LHFPL6: variants seen among roughly 807,000 people sequenced by gnomAD.
LHFPL6 encodes LHFPL tetraspan subfamily member 6, also known as LHFPL tetraspan subfamily member 6 protein.
In LHFPL6, 9 loss-of-function variants were observed where a neutral mutation model predicts 20.6. The observed-to-expected ratio is 0.44, with a 90% CI of 0.26 to 0.76. LHFPL6 has a LOEUF of 0.76. Among genes scored for constraint, LHFPL6 ranks in the 30% least tolerant of loss-of-function variants. LHFPL6 has a pLI of 0.20. For synonymous variants in LHFPL6, 105 were observed against 98.7 expected, an observed-to-expected ratio of 1.06 and a Z score of -0.38; for missense variants, 218 against 253.5, an observed-to-expected ratio of 0.86 and a Z score of 0.95.
At chr13:39,351,426 C>T (rs774999467) in intron 3 of LHFPL6, among the ~76,000 whole-genome samples, 3 of 151,258 alleles carry the variant, frequency 2.0e-5, no homozygotes, top group Non-Finnish European at 4.4e-5. Flanking sequence ...AAACTGATTC[C>T]AGAGTTTTTT....
chr13:39,598,785 C>T (rs940100982), intron 2 of LHFPL6, among the ~76,000 whole-genome samples: 2 of 152,146 alleles, frequency 1.3e-5, no homozygotes, highest in African/African-American at 4.8e-5. Context: ...TCTCGATCTC[C>T]TGACCTCGTG....
chr13:39,403,846 C>A (rs552541270), intron 2 of LHFPL6, among the ~76,000 whole-genome samples: 2 of 152,288 alleles, frequency 1.3e-5, no homozygotes, highest in Non-Finnish European at 2.9e-5. Context: ...TATCATGTAT[C>A]CCTTAGGCTT....
chr13:39,345,622 AAACCTCAAT>A, intron 3 of LHFPL6, among the ~76,000 whole-genome samples: 1 of 151,864 alleles, frequency 6.6e-6, no homozygotes, highest in Non-Finnish European at 1.5e-5. Context: ...CACTGAAGTG[AAACCTCAAT>A]GACAACCAGC....
intron 2 of LHFPL6, among the ~76,000 whole-genome samples, chr13:39,409,453 CAAAAACAAAAAAAACAA>C (rs1181012537): frequency 1.3e-5 from 2 of 151,410 alleles, no homozygotes; most frequent in Non-Finnish European, 2.9e-5. Flanking sequence ...GACTCCATCT[CAAAAACAAAAAAAACAA>C]AAAAACAAAA....
At chr13:39,488,450 T>C (rs952507987) in intron 2 of LHFPL6, among the ~76,000 whole-genome samples, 3 of 152,126 alleles carry the variant, frequency 2.0e-5, no homozygotes, top group Non-Finnish European at 2.9e-5. Flanking sequence ...ACTCTCCCTT[T>C]TACCCCAGCA....
chr13:39,453,561 A>C (rs1199644709), intron 2 of LHFPL6, among the ~76,000 whole-genome samples: 1 of 152,238 alleles, frequency 6.6e-6, no homozygotes, highest in African/African-American at 2.4e-5. Context: ...TAAAATATTC[A>C]ACATTGGCAA....
At chr13:39,390,504 TA>T (rs1566100594) in intron 2 of LHFPL6, among the ~76,000 whole-genome samples, 1 of 150,048 alleles carries the variant, frequency 6.7e-6, no homozygotes, top group Non-Finnish European at 1.5e-5. Context: ...TCTCTAAAAC[TA>T]AAAAAGAAAA....
intron 2 of LHFPL6, among the ~76,000 whole-genome samples, chr13:39,564,762 GGGTTAAGAAC>G: frequency 6.6e-6 from 1 of 152,164 alleles, no homozygotes; most frequent in Non-Finnish European, 1.5e-5. Flanking sequence ...TTATGTAAAA[GGGTTAAGAAC>G]ACTACTTCCA....
rs60324329 is a variant in LHFPL6, at chr13:39,563,091, AACACACACACACACACACACAC to A, written c.385+37719_385+37740del. Among the ~76,000 whole-genome samples, 88 of 135,868 alleles carry A rather than the reference AACACACACACACACACACACAC, an allele frequency of 6.5e-4. 1 individual carries two copies. The highest frequency in any genetic ancestry group is 1.9e-3 in the Admixed American group (25 of 13,300). 89.1% of individuals were successfully genotyped at this position (135,868 alleles called of 152,430 possible). A position where few individuals can be genotyped will look rare whatever the true frequency, so the allele number is the denominator to read the frequency against. On this transcript the variant is annotated intron_variant, in intron 2 of 3. Coordinates refer to ENST00000379589, the MANE Select transcript of LHFPL6 (RefSeq NM_005780.3). ...ATAAAGGTCATGGGGCAATACTAGA[AACACACACACACACACACACAC>A]ACACACACACACACACACACACACA...
chr13:39,577,677 G>A (rs1030076033), intron 2 of LHFPL6, among the ~76,000 whole-genome samples: 3 of 151,866 alleles, frequency 2.0e-5, no homozygotes, highest in East Asian at 1.9e-4. Flanking sequence ...TGTCGCCCAC[G>A]CTAGAATGTA....
At chr13:39,376,076 G>A (rs1433399735) in intron 3 of LHFPL6, among the ~76,000 whole-genome samples, 1 of 152,132 alleles carries the variant, frequency 6.6e-6, no homozygotes, top group Non-Finnish European at 1.5e-5. Context: ...ATTCCACAAT[G>A]CTGGGGACAT....
At chr13:39,555,351 G>A (rs1414237417) in intron 2 of LHFPL6, among the ~76,000 whole-genome samples, 1 of 142,584 alleles carries the variant, frequency 7.0e-6, no homozygotes, top group Non-Finnish European at 1.5e-5. Context: ...GCATTCTGCT[G>A]TGAAATTAAG....
intron 2 of LHFPL6, among the ~76,000 whole-genome samples, chr13:39,514,681 C>T (rs1357514630): frequency 2.0e-5 from 3 of 152,188 alleles, no homozygotes; most frequent in Non-Finnish European, 2.9e-5. Flanking sequence ...ACATCCCCAA[C>T]CTGAGCACAG....
At chr13:39,455,906 A>G (rs1470031942) in intron 2 of LHFPL6, among the ~76,000 whole-genome samples, 1 of 152,270 alleles carries the variant, frequency 6.6e-6, no homozygotes, top group Non-Finnish European at 1.5e-5. Context: ...GAACCATGTT[A>G]TGAATACGGA....
intron 2 of LHFPL6, among the ~76,000 whole-genome samples, chr13:39,441,716 G>C (rs1303581254): frequency 1.3e-5 from 2 of 151,108 alleles, no homozygotes; most frequent in Admixed American, 1.3e-4. Context: ...ATTTCAGCAT[G>C]TGTCTCAGCT....
At chr13:39,562,441 T>TATATACATATATACAC (rs1414753188) in intron 2 of LHFPL6, among the ~76,000 whole-genome samples, 9,701 of 97,406 alleles carry the variant, frequency 0.1, 709 homozygotes, top group Admixed American at 0.18. Flanking sequence ...CATATATACA[T>TATATACATATATACAC]ATATACACAT....
chr13:39,583,097 C>T (rs1872338680), intron 2 of LHFPL6, among the ~76,000 whole-genome samples: 1 of 151,348 alleles, frequency 6.6e-6, no homozygotes, highest in Non-Finnish European at 1.5e-5. Flanking sequence ...AGATATTATA[C>T]ACCTAATTGC....
At chr13:39,352,817 A>G (rs1305600461) in intron 3 of LHFPL6, among the ~76,000 whole-genome samples, 1 of 103,020 alleles carries the variant, frequency 9.7e-6, no homozygotes, top group African/African-American at 3.2e-5. Flanking sequence ...AAGAGGGAAA[A>G]CATTTATATA....
chr13:39,436,463 AT>A (rs1871960487), intron 2 of LHFPL6, among the ~76,000 whole-genome samples: 2 of 152,164 alleles, frequency 1.3e-5, no homozygotes, highest in Admixed American at 1.3e-4. Flanking sequence ...CTAGAGAAAC[AT>A]CTCTTCCTTT....
Sources: gnomAD v4.1 joint callset for allele counts (sites outside exome capture counted in the v4.1 genomes callset) on GRCh38, gnomAD v4.1.1 for gene constraint, MANE v1.5 for transcripts, NCBI Gene and HGNC (gene_info 2026-07-23, HGNC 2026-07-21) for gene names.